The following DRC11 variants were observed in gnomAD, a reference collection of about 807,000 sequenced individuals.
The protein encoded by DRC11 is dynein regulatory complex subunit 11.
chr2:236,480,245 T>A, the DRC11 span, among the ~76,000 whole-genome samples: 1 of 152,158 alleles, frequency 6.6e-6, no homozygotes, highest in Non-Finnish European at 1.5e-5. Flanking sequence ...TGTTTGGTGA[T>A]CTCTAACCTT....
At chr2:236,504,814 T>C in the DRC11 span, among the ~76,000 whole-genome samples, 1 of 152,226 alleles carries the variant, frequency 6.6e-6, no homozygotes, top group African/African-American at 2.4e-5. The surrounding 1 kb of genome is among the most constrained non-coding windows in gnomAD (Gnocchi z 5.0). Context: ...TCTCCCCACT[T>C]TGCTCTGCAA....
the DRC11 span, among the ~76,000 whole-genome samples, chr2:236,457,702 A>T: frequency 6.6e-6 from 1 of 152,218 alleles, no homozygotes; most frequent in Non-Finnish European, 1.5e-5. This position sits in a 1 kb window ranked among gnomAD's most constrained non-coding sequence, Gnocchi z 4.7. Flanking sequence ...GATTAGACGC[A>T]CATAGAAGAG....
the DRC11 span, among the ~76,000 whole-genome samples, chr2:236,410,276 A>G: frequency 6.6e-6 from 1 of 151,808 alleles, no homozygotes; most frequent in South Asian, 2.1e-4. Flanking sequence ...GATTATTGCC[A>G]CAATTTCAGC....
chr2:236,364,217 C>CCTT, the DRC11 span, among the ~76,000 whole-genome samples: 150,473 of 151,766 alleles, frequency 0.99, 74,606 homozygotes, highest in East Asian at 1. Context: ...TCCTTAATAC[C>CCTT]CTTCTCCCCC....
chr2:236,380,310 TAAAC>T, the DRC11 span, among the ~76,000 whole-genome samples: 1 of 152,148 alleles, frequency 6.6e-6, no homozygotes, highest in Non-Finnish European at 1.5e-5. This position sits in a 1 kb window ranked among gnomAD's most constrained non-coding sequence, Gnocchi z 4.9. Context: ...ACAAAAAACT[TAAAC>T]AAAAAATTCC....
At chr2:236,386,435 C>A in the DRC11 span, among the ~76,000 whole-genome samples, 1 of 151,652 alleles carries the variant, frequency 6.6e-6, no homozygotes, top group Admixed American at 6.6e-5. Flanking sequence ...TCTAGATTTT[C>A]TAGTTTATTT....
At chr2:236,416,745 A>ATT in the DRC11 span, among the ~76,000 whole-genome samples, 18 of 59,626 alleles carry the variant, frequency 3.0e-4, no homozygotes, top group Admixed American at 5.1e-4. Flanking sequence ...ATATATATAT[A>ATT]TATATATATA....
chr2:236,386,123 C>T, the DRC11 span, among the ~76,000 whole-genome samples: 3 of 149,934 alleles, frequency 2.0e-5, no homozygotes, highest in African/African-American at 7.3e-5. Flanking sequence ...CTAAAATTCT[C>T]TTTTTTTGTT....
the DRC11 span, among the ~76,000 whole-genome samples, chr2:236,390,843 G>C: frequency 1.3e-5 from 2 of 152,192 alleles, no homozygotes; most frequent in Non-Finnish European, 2.9e-5. The surrounding 1 kb of genome is among the most constrained non-coding windows in gnomAD (Gnocchi z 5.9). Context: ...GGAGGCCCAT[G>C]GTACTGGGTT....
At chr2:236,321,209 T>C in the DRC11 span, among the ~76,000 whole-genome samples, 12 of 152,302 alleles carry the variant, frequency 7.9e-5, no homozygotes, top group East Asian at 1.3e-3. Flanking sequence ...AGGGCACTTA[T>C]TACAGCAAGG....
the DRC11 span, among the ~76,000 whole-genome samples, chr2:236,463,426 T>G: frequency 6.6e-6 from 1 of 152,190 alleles, no homozygotes; most frequent in Non-Finnish European, 1.5e-5. This position sits in a 1 kb window ranked among gnomAD's most constrained non-coding sequence, Gnocchi z 5.0. Context: ...CATTTTGCTA[T>G]AAAATATACC....
At chr2:236,497,808 A>G in the DRC11 span, among the ~76,000 whole-genome samples, 6,304 of 152,310 alleles carry the variant, frequency 0.041, 276 homozygotes, top group East Asian at 0.15. This position sits in a 1 kb window ranked among gnomAD's most constrained non-coding sequence, Gnocchi z 5.1. Flanking sequence ...GATATCCAGA[A>G]TAGTTAACTT....
the DRC11 span, chr2:236,493,891 G>C: frequency 1.3e-6 from 2 of 1,590,348 alleles, no homozygotes; most frequent in Non-Finnish European, 1.7e-6. Context: ...ATTGTTGCTA[G>C]AGAAGAGAAA....
At chr2:236,315,774 A>G in the DRC11 span, among the ~76,000 whole-genome samples, 1 of 152,150 alleles carries the variant, frequency 6.6e-6, no homozygotes, top group Non-Finnish European at 1.5e-5. This position sits in a 1 kb window ranked among gnomAD's most constrained non-coding sequence, Gnocchi z 5.1. Context: ...AACACCGCAT[A>G]TTCTCACAAG....
At chr2:236,322,012 G>A in the DRC11 span, among the ~76,000 whole-genome samples, 8 of 152,060 alleles carry the variant, frequency 5.3e-5, no homozygotes, top group Non-Finnish European at 7.4e-5. Flanking sequence ...GAAGATATAC[G>A]GGAACAGACA....
At chr2:236,310,240 G>A in the DRC11 span, among the ~76,000 whole-genome samples, 1 of 152,254 alleles carries the variant, frequency 6.6e-6, no homozygotes, top group South Asian at 2.1e-4. The surrounding 1 kb of genome is among the most constrained non-coding windows in gnomAD (Gnocchi z 5.5). Flanking sequence ...GAAAAGGCAG[G>A]AGCTGGCTTC....
the DRC11 span, among the ~76,000 whole-genome samples, chr2:236,474,213 C>CA: frequency 5.3e-5 from 8 of 149,786 alleles, no homozygotes; most frequent in Non-Finnish European, 8.9e-5. Flanking sequence ...AAGACACACT[C>CA]AAAAAAAAAG....
At chr2:236,500,364 C>T in the DRC11 span, among the ~76,000 whole-genome samples, 36 of 152,252 alleles carry the variant, frequency 2.4e-4, no homozygotes, top group African/African-American at 7.9e-4. This position sits in a 1 kb window ranked among gnomAD's most constrained non-coding sequence, Gnocchi z 6.3. Context: ...CATCGCTTCC[C>T]GTTTGTCAGG....
chr2:236,398,720 A>G, the DRC11 span, among the ~76,000 whole-genome samples: 2 of 152,232 alleles, frequency 1.3e-5, no homozygotes, highest in Non-Finnish European at 2.9e-5. The surrounding 1 kb of genome is among the most constrained non-coding windows in gnomAD (Gnocchi z 6.2). Context: ...GATGACAGCT[A>G]TGCTCATCAG....
Sources: gnomAD v4.1 joint callset for allele counts (sites outside exome capture counted in the v4.1 genomes callset) on GRCh38, gnomAD v4.1.1 for gene constraint, Gnocchi (gnomAD v3.1) non-coding constraint, MANE v1.5 for transcripts, NCBI Gene and HGNC (gene_info 2026-07-23, HGNC 2026-07-21) for gene names.